The following ZNF534 variants were observed in gnomAD, a reference collection of about 807,000 sequenced individuals.
ZNF534 encodes the protein KRAB domain only 3.
A neutral mutation model predicts 13.6 loss-of-function variants in ZNF534; 19 were observed. The observed-to-expected ratio is 1.40, with a 90% CI of 0.97 to 2.05. ZNF534 has a LOEUF of 2.05. ZNF534 is among the 30% of genes most tolerant of loss of function. The pLI, the probability that ZNF534 is intolerant of heterozygous loss-of-function variation, is 0.00. For missense variants in ZNF534, 782 were observed against 796.3 expected (o/e 0.98, Z 0.22); for synonymous variants, 244 against 273.8 (o/e 0.89, Z 1.07).
chr19:52,429,875 A>C (rs1480629515), intron 1 of ZNF534, among the ~76,000 whole-genome samples: 3 of 150,956 alleles, frequency 2.0e-5, no homozygotes, highest in African/African-American at 7.3e-5. Context: ...GATTACAGGC[A>C]TGAGCCACCG....
chr19:52,450,718 T>A (rs906283355), intron 4 of ZNF534, among the ~76,000 whole-genome samples: 2 of 131,266 alleles, frequency 1.5e-5, no homozygotes, highest in East Asian at 4.8e-4. Flanking sequence ...TTAGACAAGG[T>A]CTCTATTGCC....
At position 52,440,348 on chromosome 19, in the gene ZNF534, A is replaced by G. The variant is rs145232933; in HGVS notation, c.*902A>G. The stretch of plus-strand genomic sequence containing the variant: ...TATCACAGAATCCATACTGGAGAGA[A>G]ACCTTACAAATGAATGACAGCATCT... On this transcript the variant is annotated 3_prime_UTR_variant, in exon 5 of 5. Coordinates refer to ENST00000433050, the MANE Select transcript of ZNF534 (RefSeq NM_001143938.3). 3.9e-5 allele frequency among the ~76,000 whole-genome samples: 6 copies of G among 152,354 alleles called. No homozygotes were observed. Among genetic ancestry groups the G allele is most frequent in the African/African-American group, 1.4e-4 (6 of 41,574 alleles).
At chr19:52,437,307 C>T (rs937304263) in intron 4 of ZNF534, among the ~76,000 whole-genome samples, 7 of 152,118 alleles carry the variant, frequency 4.6e-5, no homozygotes, top group Non-Finnish European at 2.9e-5. Context: ...TTCTGCATTA[C>T]CAACATGTTA....
intron 3 of ZNF534, 34 bp from the exon 4 acceptor site, chr19:52,435,047 A>G (rs1416831757): frequency 2.5e-6 from 4 of 1,602,640 alleles, no homozygotes. Context: ...TGGAGATGCC[A>G]CAGCACACAT....
downstream of ZNF534, among the ~76,000 whole-genome samples, chr19:52,445,721 A>C (rs376116025): frequency 1.1e-4 from 1 of 8,868 alleles, no homozygotes; most frequent in African/African-American, 4.0e-4. Context: ...TTCCTAATTT[A>C]CTCTTGCAGT....
intron 4 of ZNF534, among the ~76,000 whole-genome samples, chr19:52,449,785 G>A (rs575937145): frequency 6.6e-6 from 1 of 151,798 alleles, no homozygotes; most frequent in Non-Finnish European, 1.5e-5. Flanking sequence ...ACTTTGGGAG[G>A]CTGAAGCAGG....
chr19:52,439,470 G>A lies in ZNF534; in HGVS notation c.*24G>A, dbSNP rs142970070. On this transcript the variant is annotated 3_prime_UTR_variant, in exon 5 of 5. Transcript: ENST00000433050. ...AAAAATTTAGTGAAGCTGGCAGGGC[G>A]CAGTGGCTCACGTCTGTAATCCCAG... 94 of 1,495,426 alleles carry A rather than the reference G, an allele frequency of 6.3e-5. No individual in the cohort carries two copies. Among genetic ancestry groups the A allele is most frequent in the East Asian group, 4.2e-4 (17 of 40,586 alleles). 92.6% of individuals were successfully genotyped at this position (1,495,426 alleles called of 1,614,324 possible).
At position 52,431,390 on chromosome 19, in the gene ZNF534, C is replaced by A. The variant is rs111408556; in HGVS notation, c.-67-18C>A. ...TGTGTTGATTCTAAGCCCTAAACAG[C>A]ATTATTTTTGATACTAGGATTCACT... On this transcript the variant is annotated intron_variant, in intron 1 of 4. Coordinates refer to ENST00000433050, the MANE Select transcript of ZNF534 (RefSeq NM_001143938.3). The A allele has an allele frequency of 2.5e-3, 3,921 of 1,581,576 alleles. 87 individuals are homozygous for A. The African/African-American group carries it at 0.045, about 18-fold the overall frequency.
At chr19:52,431,751 T>G (rs895031071) in intron 2 of ZNF534, among the ~76,000 whole-genome samples, 17 of 151,934 alleles carry the variant, frequency 1.1e-4, no homozygotes, top group African/African-American at 3.9e-4. Context: ...GGTGTGGGCC[T>G]TGTGGTGTCA....
intron 2 of ZNF534, among the ~76,000 whole-genome samples, chr19:52,431,857 T>C (rs1365614467): frequency 2.8e-5 from 2 of 72,512 alleles, no homozygotes; most frequent in African/African-American, 8.2e-5. Flanking sequence ...GTGGAATTCC[T>C]TTTTTTTTTT....
At position 52,438,635 on chromosome 19, in the gene ZNF534, T is replaced by A; in HGVS notation, c.1175T>A (p.Ile392Asn). The change falls in exon 5 of 5, where the codon ATT (isoleucine) becomes AAT (asparagine). Residue 392 changes from isoleucine (I) to asparagine (N), a missense_variant. Ile to Asn is a moderately radical substitution (Grantham distance 149). Around this residue, in one of 5 missense-constraint regions of ZNF534, gnomAD observed 591 missense variants for 574.0 expected, o/e 1.03. Transcript: ENST00000433050. ...TGTAATGAGTGTGGCAAGGTCTTTATTGGCAATTCACGCCTTGCACGACAT... is the reference window on the plus strand; with the variant it reads ...TGTAATGAGTGTGGCAAGGTCTTTAATGGCAATTCACGCCTTGCACGACAT... ...YKCNECGKVF[I>N]GNSRLARHRK... 1 of 1,588,030 alleles carries A rather than the reference T, an allele frequency of 6.3e-7. No homozygotes were observed. The highest frequency in any genetic ancestry group is 2.3e-5 in the East Asian group (1 of 43,468).
chr19:52,439,459 G>C lies in ZNF534; in HGVS notation c.*13G>C. On this transcript the variant is annotated 3_prime_UTR_variant, in exon 5 of 5. Coordinates refer to ENST00000433050, the MANE Select transcript of ZNF534 (RefSeq NM_001143938.3). The stretch of plus-strand genomic sequence containing the variant: ...AGAGAAGCCTTAAAAATTTAGTGAA[G>C]CTGGCAGGGCGCAGTGGCTCACGTC... 1 of 1,499,726 alleles carries C rather than the reference G, an allele frequency of 6.7e-7. No homozygotes were observed. Among genetic ancestry groups the C allele is most frequent in the Non-Finnish European group, 8.9e-7 (1 of 1,123,038 alleles). The allele number at this position is 1,499,726 out of a possible 1,614,324, so 92.9% of individuals were successfully genotyped here.
intron 1 of ZNF534, among the ~76,000 whole-genome samples, chr19:52,431,077 T>C (rs2059084064): frequency 6.6e-6 from 1 of 152,070 alleles, no homozygotes; most frequent in Non-Finnish European, 1.5e-5. Context: ...GGTCTCAAAC[T>C]CCTGACCTCA....
chr19:52,451,733 T>G (rs1469974187), exon 5 of ZNF534: 1 of 686,630 alleles, frequency 1.5e-6, no homozygotes. Flanking sequence ...TTTGTTGATG[T>G]AGGAGCTGGT....
Position 52,438,025 on chromosome 19 carries a change from A to C in ZNF534, c.565A>C (p.Asn189His), listed in dbSNP as rs760414728. Residue 189 changes from asparagine to histidine, a missense_variant, in exon 5 of 5, where the codon AAT becomes CAT. Coordinates refer to ENST00000433050, the MANE Select transcript of ZNF534 (RefSeq NM_001143938.3). ...VHIREKPYGC[N>H]EHGKVFRVSS... is the part of the protein sequence containing the mutation. ...CATTAGGGAAAAGCCTTATGGATGT[A>C]ATGAGCATGGGAAAGTCTTCAGAGT... 48 of 1,614,034 alleles carry C rather than the reference A, an allele frequency of 3.0e-5. No individual in the cohort carries two copies. Among genetic ancestry groups the C allele is most frequent in the Admixed American group, 5.0e-5 (3 of 60,002 alleles).
At chr19:52,449,956 C>T (rs528914118) in intron 4 of ZNF534, among the ~76,000 whole-genome samples, 11 of 151,956 alleles carry the variant, frequency 7.2e-5, no homozygotes, top group African/African-American at 2.4e-4. Flanking sequence ...GGAAGGCAGA[C>T]GTTGCAGTGA....
chr19:52,450,567 A>C (rs1324206989), intron 4 of ZNF534, among the ~76,000 whole-genome samples: 1 of 150,540 alleles, frequency 6.6e-6, no homozygotes, highest in East Asian at 1.9e-4. Flanking sequence ...ACTTTCTAGT[A>C]TATTTTGAAG....
At position 52,440,713 on chromosome 19, in the gene ZNF534, G is replaced by A. The variant is rs2059166476; in HGVS notation, c.*1267G>A. Reference sequence around the variant, plus strand: ...GGAGAATCACTTAAACCCAGGAGATGGAGGTTGCAGTGAGCCAAGAATGCG... The same window carrying A: ...GGAGAATCACTTAAACCCAGGAGATAGAGGTTGCAGTGAGCCAAGAATGCG... On this transcript the variant is annotated 3_prime_UTR_variant, in exon 5 of 5. Coordinates refer to ENST00000433050, the MANE Select transcript of ZNF534 (RefSeq NM_001143938.3). Among the ~76,000 whole-genome samples the A allele has an allele frequency of 6.6e-6, 1 of 151,592 alleles. No homozygotes were observed. The highest frequency in any genetic ancestry group is 1.9e-4 in the East Asian group (1 of 5,134).
At chr19:52,433,437 G>A (rs917967663) in intron 2 of ZNF534, among the ~76,000 whole-genome samples, 1 of 151,962 alleles carries the variant, frequency 6.6e-6, no homozygotes, top group Non-Finnish European at 1.5e-5. Context: ...CGCAATCTCA[G>A]CTCACTGCAA....
Sources: gnomAD v4.1 joint callset for allele counts (sites outside exome capture counted in the v4.1 genomes callset) on GRCh38, gnomAD v4.1.1 for gene constraint, gnomAD v4.1.1 regional missense constraint, MANE v1.5 for transcripts, NCBI Gene and HGNC (gene_info 2026-07-23, HGNC 2026-07-21) for gene names.